Variants in PARD3B observed in about 807,000 individuals in gnomAD.
PARD3B encodes par-3 family cell polarity regulator beta.
Under a neutral mutation model 130.2 loss-of-function variants are expected in PARD3B, and 103 were observed. That is an observed-to-expected ratio of 0.79 (90% CI 0.67 to 0.93). The LOEUF is 0.93. PARD3B is among the 40% of genes least tolerant of loss of function. The pLI is 0.00. For missense variants in PARD3B, 1,609 were observed against 1,499.2 expected (o/e 1.07, Z -1.21); for synonymous variants, 583 against 553.2 (o/e 1.05, Z -0.76).
intron 2 of PARD3B, among the ~76,000 whole-genome samples, chr2:204,688,375 C>G (rs2037188034): frequency 6.6e-6 from 1 of 151,842 alleles, no homozygotes; most frequent in South Asian, 2.1e-4. Context: ...GTCAGGAGAT[C>G]AGGATCATCC....
Position 205,463,634 on chromosome 2 carries a change from T to C in PARD3B, c.3044+22962T>C, listed in dbSNP as rs1235333625. On this transcript the variant is annotated intron_variant, in intron 20 of 22. Transcript: ENST00000406610. This position sits in a 1 kb window ranked among gnomAD's most constrained non-coding sequence, Gnocchi z 4.8. ...AATTAAGATTTCGTAAGTGGCATTT[T>C]AAATGAATGGTTAATGGCTGAAGAT... 1.3e-5 allele frequency among the ~76,000 whole-genome samples: 2 copies of C among 152,240 alleles called. No homozygotes were observed. The highest frequency in any genetic ancestry group is 3.8e-4 in the East Asian group (2 of 5,200).
chr2:204,618,045 C>T (rs1334727544), intron 1 of PARD3B, among the ~76,000 whole-genome samples: 2 of 152,144 alleles, frequency 1.3e-5, no homozygotes, highest in African/African-American at 4.8e-5. Context: ...ATTTCTATTT[C>T]CAACATTTTT....
intron 18 of PARD3B, among the ~76,000 whole-genome samples, chr2:205,311,625 A>G (rs1057385583): frequency 2.6e-5 from 4 of 152,186 alleles, no homozygotes; most frequent in Admixed American, 6.5e-5. Context: ...GCTGTTTTGT[A>G]ATGTAGTTGG....
chr2:205,168,288 GGAGAGAGA>G (rs761018109), intron 11 of PARD3B, among the ~76,000 whole-genome samples: 2 of 126,844 alleles, frequency 1.6e-5, no homozygotes, highest in African/African-American at 6.4e-5. Context: ...GGTGAGAAAG[GGAGAGAGA>G]GAGAGAGAGA....
chr2:205,509,493 C>T (rs527960158), intron 21 of PARD3B, among the ~76,000 whole-genome samples: 12 of 152,254 alleles, frequency 7.9e-5, no homozygotes, highest in African/African-American at 2.9e-4. Context: ...GCCCACTCCT[C>T]CCCTAAAGCA....
rs944897433 is a variant in PARD3B, at chr2:204,695,099, T to C, written c.222+8817T>C. Among the ~76,000 whole-genome samples, 4 of 152,038 alleles carry C rather than the reference T, an allele frequency of 2.6e-5. 1 individual carries two copies. Among genetic ancestry groups the C allele is most frequent in the African/African-American group, 9.7e-5 (4 of 41,416 alleles). Reference sequence around the variant, plus strand: ...GCTTTACTTAGAGCTAAAAATGTAATTCAAAATAAGAGTCAATGAACACTT... The same window carrying C: ...GCTTTACTTAGAGCTAAAAATGTAACTCAAAATAAGAGTCAATGAACACTT... On this transcript the variant is annotated intron_variant, in intron 2 of 22. Transcript: ENST00000406610.
chr2:204,693,834 C>T (rs140732269), intron 2 of PARD3B, among the ~76,000 whole-genome samples: 16 of 151,986 alleles, frequency 1.1e-4, no homozygotes, highest in Middle Eastern at 3.2e-3. Context: ...CTATTTCCTG[C>T]CCATCGAAGA....
At chr2:205,063,849 G>C (rs376800370) in intron 4 of PARD3B, among the ~76,000 whole-genome samples, 1 of 152,132 alleles carries the variant, frequency 6.6e-6, no homozygotes, top group Non-Finnish European at 1.5e-5. Flanking sequence ...GGGTAGTAAA[G>C]CATGTAGGTA....
intron 18 of PARD3B, among the ~76,000 whole-genome samples, chr2:205,353,322 A>T (rs2044060907): frequency 1.3e-5 from 2 of 152,196 alleles, no homozygotes; most frequent in Admixed American, 6.5e-5. Flanking sequence ...CTCCCCCTTG[A>T]TAGTGCATTA....
chr2:205,075,694 AAAAAAG>A (rs924628765), intron 4 of PARD3B, among the ~76,000 whole-genome samples: 6 of 151,820 alleles, frequency 4.0e-5, no homozygotes, highest in African/African-American at 1.4e-4. Context: ...AAAAAAAAAA[AAAAAAG>A]AATTTTTGAT....
At chr2:205,087,735 C>T (rs1235282222) in intron 4 of PARD3B, among the ~76,000 whole-genome samples, 1 of 152,090 alleles carries the variant, frequency 6.6e-6, no homozygotes, top group East Asian at 1.9e-4. Context: ...ATGAATGTCA[C>T]CATTTCATCC....
At chr2:205,533,793 A>C (rs2051711638) in intron 21 of PARD3B, among the ~76,000 whole-genome samples, 1 of 152,088 alleles carries the variant, frequency 6.6e-6, no homozygotes, top group Admixed American at 6.6e-5. Flanking sequence ...GCAGGGGTGC[A>C]AACAGGTCAC....
At chr2:204,870,129 C>G (rs1485731137) in intron 2 of PARD3B, among the ~76,000 whole-genome samples, 1 of 152,128 alleles carries the variant, frequency 6.6e-6, no homozygotes, top group African/African-American at 2.4e-5. Flanking sequence ...CTCTGTCTCT[C>G]TCTTTCTTGC....
chr2:205,178,634 C>T lies in PARD3B; in HGVS notation c.1924+2057C>T, dbSNP rs1559513816. Reference sequence around the variant, plus strand: ...ATTAAAATATCTAGATTTCATGTAACTTGATTGGCATTTAATTCTCTAGCA... The same window carrying T: ...ATTAAAATATCTAGATTTCATGTAATTTGATTGGCATTTAATTCTCTAGCA... On this transcript the variant is annotated intron_variant, in intron 13 of 22. Transcript: ENST00000406610. Among the ~76,000 whole-genome samples the T allele has an allele frequency of 2.0e-5, 3 of 152,154 alleles. No individual in the cohort carries two copies. The South Asian group carries it at 6.2e-4, about 32-fold the overall frequency.
chr2:205,108,524 C>G (rs1703390879), intron 5 of PARD3B, among the ~76,000 whole-genome samples: 1 of 152,130 alleles, frequency 6.6e-6, no homozygotes, highest in Non-Finnish European at 1.5e-5. Context: ...CTCCCTCTCT[C>G]TAATATTACA....
At chr2:205,549,731 A>C (rs2052534782) in intron 21 of PARD3B, among the ~76,000 whole-genome samples, 1 of 152,138 alleles carries the variant, frequency 6.6e-6, no homozygotes, top group African/African-American at 2.4e-5. Context: ...ATTTGTCCAA[A>C]CCCATAGAAT....
At chr2:204,809,751 A>C (rs1389059138) in intron 2 of PARD3B, among the ~76,000 whole-genome samples, 1 of 152,044 alleles carries the variant, frequency 6.6e-6, no homozygotes, top group African/African-American at 2.4e-5. Context: ...TTTGAGTTTT[A>C]AAATTGTTGT....
chr2:204,955,645 A>G (rs989279010), intron 2 of PARD3B, among the ~76,000 whole-genome samples: 4 of 152,216 alleles, frequency 2.6e-5, no homozygotes, highest in African/African-American at 4.8e-5. Flanking sequence ...AGTTTTTTTC[A>G]TCTGTAAAAT....
At chr2:204,690,761 C>A (rs1344559270) in intron 2 of PARD3B, among the ~76,000 whole-genome samples, 1 of 152,162 alleles carries the variant, frequency 6.6e-6, no homozygotes, top group Non-Finnish European at 1.5e-5. Context: ...CAATAGGACA[C>A]TAATACATAC....
Sources: allele counts gnomAD v4.1 joint callset (sites outside exome capture counted in the v4.1 genomes callset), GRCh38; gene constraint gnomAD v4.1.1; non-coding constraint Gnocchi (gnomAD v3.1); transcripts MANE v1.5; gene names NCBI Gene and HGNC (gene_info 2026-07-23, HGNC 2026-07-21).